The following FNBP1L variants were observed in gnomAD, a reference collection of about 807,000 sequenced individuals.
FNBP1L encodes formin binding protein 1 like.
FNBP1L carries 36 observed loss-of-function variants against 91.2 expected under a neutral mutation model. That is an observed-to-expected ratio of 0.39 (90% CI 0.30 to 0.52). The LOEUF (loss-of-function observed/expected upper bound fraction) is 0.52, where lower values mean the gene tolerates loss of function less well. FNBP1L is among the 20% of genes least tolerant of loss of function. The pLI is 0.66. For missense variants in FNBP1L, 571 were observed against 732.1 expected, an observed-to-expected ratio of 0.78 and a Z score of 2.54; for synonymous variants, 242 against 237.0, an observed-to-expected ratio of 1.02 and a Z score of -0.19.
intron 4 of FNBP1L, among the ~76,000 whole-genome samples, chr1:93,523,706 C>T (rs1243328718): frequency 6.6e-6 from 1 of 152,194 alleles, no homozygotes. Context: ...ACCCAACCAA[C>T]TGCTTGGTTT....
chr1:93,470,309 G>T (rs1669241441), intron 1 of FNBP1L, among the ~76,000 whole-genome samples: 1 of 152,034 alleles, frequency 6.6e-6, no homozygotes, highest in South Asian at 2.1e-4. Context: ...TTTTTTGTGT[G>T]TGGATACAGG....
chr1:93,472,799 A>C (rs1669339748), intron 1 of FNBP1L, among the ~76,000 whole-genome samples: 1 of 132,382 alleles, frequency 7.6e-6, no homozygotes, highest in Non-Finnish European at 1.6e-5. Context: ...GCGACAGAGC[A>C]AGACTCCATC....
At chr1:93,507,101 ACACACACTCTCTCTCT>A (rs1364006158) in intron 2 of FNBP1L, among the ~76,000 whole-genome samples, 252 of 56,462 alleles carry the variant, frequency 4.5e-3, no homozygotes, top group Admixed American at 0.015. Context: ...ACACACACAC[ACACACACTCTCTCTCT>A]CTCTCTCTCT....
chr1:93,528,820 A>G (rs2101755994), intron 5 of FNBP1L, among the ~76,000 whole-genome samples: 1 of 152,252 alleles, frequency 6.6e-6, no homozygotes, highest in East Asian at 1.9e-4. Context: ...GTTTTAAAGA[A>G]CTGGAAAAAA....
At chr1:93,543,988 T>TC in intron 11 of FNBP1L, 119 bp from the exon 12 acceptor site, 1 of 582,174 alleles carries the variant, frequency 1.7e-6, no homozygotes, top group Non-Finnish European at 2.7e-6. Flanking sequence ...AAGGGGTTGC[T>TC]TGAGGCAAAT....
chr1:93,474,408 A>T (rs1262780173), intron 1 of FNBP1L, among the ~76,000 whole-genome samples: 1 of 152,204 alleles, frequency 6.6e-6, no homozygotes, highest in Non-Finnish European at 1.5e-5. Context: ...CTGGAGGAGG[A>T]AAGAGAGCAC....
At chr1:93,456,656 T>G (rs1668675062) in intron 1 of FNBP1L, among the ~76,000 whole-genome samples, 1 of 146,760 alleles carries the variant, frequency 6.8e-6, no homozygotes, top group African/African-American at 2.5e-5. Context: ...GGTGGGCACC[T>G]GTAGTCCCAG....
At chr1:93,511,266 ACT>A (rs1233722464) in intron 2 of FNBP1L, among the ~76,000 whole-genome samples, 2 of 152,224 alleles carry the variant, frequency 1.3e-5, no homozygotes, top group African/African-American at 4.8e-5. Flanking sequence ...CTCAGCAGAA[ACT>A]CTACAAGCCA....
intron 1 of FNBP1L, among the ~76,000 whole-genome samples, chr1:93,465,197 G>C (rs1422625774): frequency 6.7e-6 from 1 of 149,886 alleles, no homozygotes; most frequent in East Asian, 2.0e-4. Flanking sequence ...CTTTTTTGGG[G>C]GGGGGGGTTC....
At chr1:93,465,036 C>T (rs1669024232) in intron 1 of FNBP1L, among the ~76,000 whole-genome samples, 1 of 152,094 alleles carries the variant, frequency 6.6e-6, no homozygotes, top group African/African-American at 2.4e-5. Context: ...GGCTAAAAAT[C>T]ATCAGGGGAA....
rs1671852314 is a variant in FNBP1L at position 93,536,404 on chromosome 1, T to G, written c.1063T>G (p.Phe355Val). The change falls in exon 10 of 17, where the codon TTC (phenylalanine) becomes GTC (valine). Residue 355 changes from phenylalanine to valine, a missense_variant. Around this residue, in one of 5 missense-constraint regions of FNBP1L, gnomAD observed 150 missense variants for 155.9 expected, o/e 0.96. Coordinates refer to ENST00000271234, the MANE Select transcript of FNBP1L (RefSeq NM_001164473.3). ...STPNGSQFLTFSIEPVHYCMN... is the reference protein window; with the variant it reads ...STPNGSQFLTVSIEPVHYCMN... ...TCCTAATGGGTCCCAGTTTCTCACA[T>G]TCTCCATTGAGCCCGTGCATTATTG... 1.9e-6 allele frequency: 3 copies of G among 1,550,934 alleles called. No homozygotes were observed. Among genetic ancestry groups the G allele is most frequent in the Non-Finnish European group, 2.6e-6 (3 of 1,146,404 alleles).
rs1305184953 is a variant in FNBP1L at position 93,544,311 on chromosome 1, A to G, written c.1274+95A>G. ...GATATACAGAAGGTTTAAAAATCAT[A>G]TATCCTAATTGAAATATCTTTTGAG... is the stretch of plus-strand genomic sequence containing the variant. On this transcript the variant is annotated intron_variant, in intron 12 of 16. Transcript: ENST00000271234. 6 of 690,930 alleles carry G rather than the reference A, an allele frequency of 8.7e-6. No homozygotes were observed. In the Admixed American group the frequency reaches 2.1e-4, roughly 24 times the overall value. The allele number at this position is 690,930 out of a possible 1,614,324, so 42.8% of individuals were successfully genotyped here.
chr1:93,498,437 GT>G (rs1258885691), intron 1 of FNBP1L, among the ~76,000 whole-genome samples: 3 of 152,200 alleles, frequency 2.0e-5, no homozygotes, highest in Non-Finnish European at 4.4e-5. Context: ...TAATCAGAAA[GT>G]TTCGTGGAAG....
At chr1:93,552,143 C>T (rs1036549714) in intron 16 of FNBP1L, 40 of 1,201,934 alleles carry the variant, frequency 3.3e-5, no homozygotes, top group Non-Finnish European at 4.0e-5. Flanking sequence ...TTTCAGCAAG[C>T]GTTGTTGGAA....
At chr1:93,478,530 A>G (rs985331713) in intron 1 of FNBP1L, among the ~76,000 whole-genome samples, 1 of 152,208 alleles carries the variant, frequency 6.6e-6, no homozygotes, top group Non-Finnish European at 1.5e-5. Flanking sequence ...GGGGCAGTCC[A>G]TGCAGACAGC....
rs1180410446 is a variant in FNBP1L, at chr1:93,479,886, C to T, written c.25-19582C>T. On this transcript the variant is annotated intron_variant, in intron 1 of 16. Transcript: ENST00000271234. ...TTGTACAATAGTGGTCCTGAGGTGA[C>T]GTACATCCTCAGCTTACGAAGATAA... Among the ~76,000 whole-genome samples the T allele has an allele frequency of 2.6e-5, 4 of 152,048 alleles. 1 individual carries two copies. Among genetic ancestry groups the T allele is most frequent in the Admixed American group, 6.5e-5 (1 of 15,272 alleles).
At position 93,499,476 on chromosome 1, in the gene FNBP1L, C is replaced by T. The variant is rs371807631; in HGVS notation, c.33C>T (p.Phe11=). Residue 11 remains phenylalanine, a synonymous_variant, in exon 2 of 17, where the codon TTC becomes TTT. Coordinates refer to ENST00000271234, the MANE Select transcript of FNBP1L (RefSeq NM_001164473.3). ...TTATCTTCCTTTTCCAGGATCAGTT[C>T]GACAGCTTAGACAAGCATACACAAT... MSWGTELWDQ[F]DSLDKHTQWG... 3.1e-5 allele frequency: 49 copies of T among 1,584,504 alleles called. No homozygotes were observed. In the African/African-American group the frequency reaches 3.9e-4, roughly 13 times the overall value.
At chr1:93,495,728 G>T (rs1323695770) in intron 1 of FNBP1L, among the ~76,000 whole-genome samples, 1 of 152,126 alleles carries the variant, frequency 6.6e-6, no homozygotes, top group African/African-American at 2.4e-5. Flanking sequence ...CAAGATAAAA[G>T]AGAAATTTTA....
chr1:93,484,368 AG>A (rs1669823870), intron 1 of FNBP1L, among the ~76,000 whole-genome samples: 1 of 152,240 alleles, frequency 6.6e-6, no homozygotes, highest in Non-Finnish European at 1.5e-5. Context: ...AGTCTCAGAA[AG>A]GGAAAAGGGG....
Sources: gnomAD v4.1 joint callset for allele counts (sites outside exome capture counted in the v4.1 genomes callset) on GRCh38, gnomAD v4.1.1 for gene constraint, gnomAD v4.1.1 regional missense constraint, MANE v1.5 for transcripts, NCBI Gene and HGNC (gene_info 2026-07-23, HGNC 2026-07-21) for gene names.